Variants in WWOX observed in about 807,000 individuals in gnomAD.
WWOX encodes the protein WW domain containing oxidoreductase.
Under a neutral mutation model 46.2 loss-of-function variants are expected in WWOX, and 69 were observed. That is an observed-to-expected ratio of 1.49 (90% CI 1.23 to 1.82). The LOEUF (loss-of-function observed/expected upper bound fraction) is 1.82, where lower values mean the gene tolerates loss of function less well. Among genes scored for constraint, WWOX ranks in the 40% most tolerant of loss-of-function variants. WWOX has a pLI of 0.00. For missense variants in WWOX, 919 were observed against 542.6 expected, an observed-to-expected ratio of 1.69 and a Z score of -6.89; for synonymous variants, 359 against 202.6, an observed-to-expected ratio of 1.77 and a Z score of -6.56.
At chr16:78,686,316 C>T (rs1281976564) in intron 8 of WWOX, among the ~76,000 whole-genome samples, 7 of 151,682 alleles carry the variant, frequency 4.6e-5, no homozygotes, top group African/African-American at 1.7e-4. Flanking sequence ...TCCAGACCAT[C>T]CTGGCTAAGT....
At position 78,820,753 on chromosome 16, in the gene WWOX, T is replaced by TG. The variant is rs535471717; in HGVS notation, c.1056+388003dup. Among the ~76,000 whole-genome samples, 11 of 152,302 alleles carry TG rather than the reference T, an allele frequency of 7.2e-5. No individual in the cohort carries two copies. In the South Asian group the frequency reaches 1.9e-3, roughly 26 times the overall value. Reference sequence around the variant, plus strand: ...AGAATCATTCATTGTTTCATGGTTTTGGTGGCCGGAAGTCCAAAATCAAGG... The same window carrying TG: ...AGAATCATTCATTGTTTCATGGTTTTGGGTGGCCGGAAGTCCAAAATCAAGG... On this transcript the variant is annotated intron_variant, in intron 8 of 8. Transcript: ENST00000566780.
chr16:78,908,409 A>G (rs1049498317), intron 8 of WWOX, among the ~76,000 whole-genome samples: 12 of 151,958 alleles, frequency 7.9e-5, no homozygotes, highest in African/African-American at 2.9e-4. Flanking sequence ...GCGTAGTGGT[A>G]GGCGCCTGTA....
rs557387750 is a variant in WWOX at position 79,165,281 on chromosome 16, A to G, written c.1057-46327A>G. On this transcript the variant is annotated intron_variant, in intron 8 of 8. Coordinates refer to ENST00000566780, the MANE Select transcript of WWOX (RefSeq NM_016373.4). ...AATGACCTTGCCATTGCGGAGGTCA[A>G]TTTCATGTGTGTGTGCACACATGGG... is the stretch of plus-strand genomic sequence containing the variant. Among the ~76,000 whole-genome samples, 472 of 152,298 alleles carry G rather than the reference A, an allele frequency of 3.1e-3. 3 individuals are homozygous for G. Among genetic ancestry groups the G allele is most frequent in the Admixed American group, 4.4e-3 (67 of 15,296 alleles).
intron 8 of WWOX, among the ~76,000 whole-genome samples, chr16:78,901,916 C>G (rs1437723997): frequency 6.6e-6 from 1 of 152,222 alleles, no homozygotes; most frequent in Non-Finnish European, 1.5e-5. Context: ...AGGGGCGTCC[C>G]TCCGCACCTC....
chr16:78,770,357 A>AG (rs2050034389), intron 8 of WWOX, among the ~76,000 whole-genome samples: 1 of 151,582 alleles, frequency 6.6e-6, no homozygotes, highest in African/African-American at 2.4e-5. Flanking sequence ...TCTCAAACAA[A>AG]AAAAAAATTT....
intron 8 of WWOX, among the ~76,000 whole-genome samples, chr16:79,009,808 G>A (rs1358787419): frequency 6.6e-6 from 1 of 152,190 alleles, no homozygotes; most frequent in African/African-American, 2.4e-5. Context: ...ATGGGAAGGA[G>A]GAGGGGGACA....
At chr16:79,166,957 T>C (rs1285609167) in intron 8 of WWOX, among the ~76,000 whole-genome samples, 1 of 152,202 alleles carries the variant, frequency 6.6e-6, no homozygotes, top group African/African-American at 2.4e-5. Context: ...ATTATTTTTT[T>C]TTGAGACAGA....
At chr16:78,906,383 A>G (rs1275632802) in intron 8 of WWOX, among the ~76,000 whole-genome samples, 3 of 152,188 alleles carry the variant, frequency 2.0e-5, no homozygotes, top group African/African-American at 2.4e-5. Flanking sequence ...ATATAGCCTG[A>G]TAAGGATTTC....
chr16:78,470,209 T>G (rs1190096346), intron 8 of WWOX, among the ~76,000 whole-genome samples: 1 of 152,132 alleles, frequency 6.6e-6, no homozygotes, highest in Non-Finnish European at 1.5e-5. Flanking sequence ...GAAGTAGGAA[T>G]TTGCAGGACC....
intron 6 of WWOX, among the ~76,000 whole-genome samples, chr16:78,390,043 G>A (rs534429607): frequency 2.0e-5 from 3 of 152,282 alleles, no homozygotes; most frequent in East Asian, 1.9e-4. Context: ...CACCCTGCCC[G>A]ACCCTTTCAT....
chr16:78,386,626 C>G (rs868654163), intron 5 of WWOX, among the ~76,000 whole-genome samples: 1 of 141,818 alleles, frequency 7.1e-6, no homozygotes, highest in African/African-American at 2.6e-5. Flanking sequence ...ACAACCCACC[C>G]CCCCGCCCCA....
chr16:78,921,102 A>G (rs1393397743), intron 8 of WWOX, among the ~76,000 whole-genome samples: 2 of 152,182 alleles, frequency 1.3e-5, no homozygotes, highest in Non-Finnish European at 2.9e-5. Flanking sequence ...CAAGGGGGAA[A>G]AAAAGAGCTT....
At chr16:78,354,359 T>C (rs970580752) in intron 5 of WWOX, among the ~76,000 whole-genome samples, 1 of 137,144 alleles carries the variant, frequency 7.3e-6, no homozygotes, top group Non-Finnish European at 1.5e-5. Context: ...CTGAAACCCA[T>C]AGACTTTGCA....
intron 8 of WWOX, among the ~76,000 whole-genome samples, chr16:78,756,134 C>T (rs529138376): frequency 3.9e-5 from 6 of 152,140 alleles, no homozygotes; most frequent in South Asian, 2.1e-4. Flanking sequence ...ATATAAAACA[C>T]GAACGGGGAT....
chr16:79,074,596 C>T (rs2048619398), intron 8 of WWOX, among the ~76,000 whole-genome samples: 1 of 151,620 alleles, frequency 6.6e-6, no homozygotes, highest in African/African-American at 2.4e-5. Flanking sequence ...TTAAGTATCT[C>T]CCTTTATAAG....
At chr16:79,003,033 C>T (rs1305046613) in intron 8 of WWOX, among the ~76,000 whole-genome samples, 1 of 152,202 alleles carries the variant, frequency 6.6e-6, no homozygotes, top group African/African-American at 2.4e-5. Flanking sequence ...ATGCCAGCCA[C>T]AGGGCCTCAC....
At chr16:79,187,834 G>A (rs2051049249) in intron 8 of WWOX, among the ~76,000 whole-genome samples, 1 of 152,232 alleles carries the variant, frequency 6.6e-6, no homozygotes, top group South Asian at 2.1e-4. Flanking sequence ...GAGCCACCAT[G>A]CCTGGCCCCC....
At chr16:78,930,260 TTCC>T (rs2045592662) in intron 8 of WWOX, among the ~76,000 whole-genome samples, 1 of 127,748 alleles carries the variant, frequency 7.8e-6, no homozygotes, top group Non-Finnish European at 1.7e-5. Flanking sequence ...CCTTCCTTCC[TTCC>T]TTCCTTTCTC....
chr16:78,717,303 A>G (rs970953453), intron 8 of WWOX, among the ~76,000 whole-genome samples: 3 of 152,216 alleles, frequency 2.0e-5, no homozygotes, highest in African/African-American at 7.2e-5. Flanking sequence ...ACTGGGAGAG[A>G]CAGCATAATA....
Sources: allele counts gnomAD v4.1 joint callset (sites outside exome capture counted in the v4.1 genomes callset), GRCh38; gene constraint gnomAD v4.1.1; transcripts MANE v1.5; gene names NCBI Gene and HGNC (gene_info 2026-07-23, HGNC 2026-07-21).